LRGUK: variants seen among roughly 807,000 people sequenced by gnomAD.
The protein encoded by LRGUK is leucine rich repeats and guanylate kinase domain containing, also known as leucine-rich repeat and guanylate kinase domain-containing protein.
LRGUK carries 65 observed loss-of-function variants against 76.0 expected under a neutral mutation model. The observed-to-expected ratio is 0.85, with a 90% CI of 0.70 to 1.05. The LOEUF is 1.05. Among genes scored for constraint, LRGUK ranks in the 50% least tolerant of loss-of-function variants. The probability of loss-of-function intolerance (pLI) is 0.00; values close to 1 mark genes in which losing one functional copy is unlikely to be tolerated. For missense variants in LRGUK, 758 were observed against 732.8 expected (o/e 1.03, Z -0.40); for synonymous variants, 268 against 265.6 (o/e 1.01, Z -0.09).
At chr7:134,222,483 T>C (rs1801625098) in intron 16 of LRGUK, among the ~76,000 whole-genome samples, 1 of 152,264 alleles carries the variant, frequency 6.6e-6, no homozygotes, top group African/African-American at 2.4e-5. Context: ...TGTGATGATC[T>C]GGGAATACAA....
chr7:134,248,818 A>C, intron 17 of LRGUK, 133 bp from the exon 18 acceptor site: 1 of 591,282 alleles, frequency 1.7e-6, no homozygotes, highest in South Asian at 6.5e-5. Flanking sequence ...TTCTGAGTGG[A>C]TATATTACAT....
Position 134,137,078 on chromosome 7 carries a change from T to TG in LRGUK, c.357dup (p.Arg120AlafsTer7). 1 of 1,613,590 alleles carries TG rather than the reference T, an allele frequency of 6.2e-7. No individual in the cohort carries two copies. Among genetic ancestry groups the TG allele is most frequent in the African/African-American group, 1.3e-5 (1 of 75,054 alleles). On this transcript the variant is annotated frameshift_variant, in exon 2 of 16. Coordinates refer to ENST00000645682, the Ensembl canonical transcript of LRGUK. LOFTEE classifies it high-confidence loss of function. The stretch of plus-strand genomic sequence containing the variant: ...GCTGTGGCCAAAGCACTCCATCACT[T>TG]GGGGCGCTCAGGCTCTGGGACTGAG...
intron 15 of LRGUK, among the ~76,000 whole-genome samples, chr7:134,206,324 G>A (rs1801005618): frequency 6.6e-6 from 1 of 152,090 alleles, no homozygotes; most frequent in African/African-American, 2.4e-5. Flanking sequence ...AGACCATCCT[G>A]GCCAACATGG....
chr7:134,201,389 A>C (rs1221897991), intron 14 of LRGUK, 92 bp from the exon 15 acceptor site: 12 of 946,620 alleles, frequency 1.3e-5, no homozygotes, highest in Middle Eastern at 4.4e-4. Context: ...TATAAAATTA[A>C]ATGCAGTAAA....
chr7:134,231,408 T>C (rs1801886055), intron 16 of LRGUK, among the ~76,000 whole-genome samples: 1 of 152,018 alleles, frequency 6.6e-6, no homozygotes, highest in Non-Finnish European at 1.5e-5. Flanking sequence ...CAAAAGGACC[T>C]TCCTTTTTTT....
intron 4 of LRGUK, among the ~76,000 whole-genome samples, chr7:134,144,890 A>G (rs970598376): frequency 2.6e-5 from 4 of 152,124 alleles, no homozygotes; most frequent in Non-Finnish European, 5.9e-5. Flanking sequence ...TCAGGAATTG[A>G]ATTTGCAAAG....
At chr7:134,160,203 T>G (rs966749395) in intron 6 of LRGUK, among the ~76,000 whole-genome samples, 2 of 152,172 alleles carry the variant, frequency 1.3e-5, no homozygotes, top group African/African-American at 2.4e-5. Flanking sequence ...AACTCATTAT[T>G]AAGAATTATA....
intron 4 of LRGUK, among the ~76,000 whole-genome samples, chr7:134,147,103 A>T (rs780574261): frequency 2.0e-5 from 3 of 152,112 alleles, no homozygotes; most frequent in Non-Finnish European, 4.4e-5. Flanking sequence ...TTGAAGAGGC[A>T]TTGCCTGGAA....
chr7:134,151,238 A>T (rs907993346), intron 5 of LRGUK, among the ~76,000 whole-genome samples: 9 of 152,240 alleles, frequency 5.9e-5, no homozygotes, highest in African/African-American at 1.9e-4. Context: ...GTTTTTGAAA[A>T]TATTAAAACA....
intron 15 of LRGUK, among the ~76,000 whole-genome samples, chr7:134,216,008 C>G (rs1801427802): frequency 6.6e-6 from 1 of 152,142 alleles, no homozygotes; most frequent in African/African-American, 2.4e-5. Flanking sequence ...TTATTGCAAA[C>G]AACACTAAAA....
intron 16 of LRGUK, among the ~76,000 whole-genome samples, chr7:134,238,754 T>C (rs2117188200): frequency 6.6e-6 from 1 of 152,342 alleles, no homozygotes; most frequent in South Asian, 2.1e-4. Context: ...CCTTTTTCTC[T>C]CACAATAACT....
the LRGUK span, among the ~76,000 whole-genome samples, chr7:134,271,917 A>G: frequency 6.6e-6 from 1 of 152,128 alleles, no homozygotes; most frequent in Non-Finnish European, 1.5e-5. Context: ...ACAATGTATT[A>G]TAGATAATTT....
intron 2 of LRGUK, among the ~76,000 whole-genome samples, chr7:134,138,280 G>A (rs1273188839): frequency 1.3e-5 from 2 of 152,154 alleles, no homozygotes; most frequent in Admixed American, 6.5e-5. Flanking sequence ...TCAGCTGGAT[G>A]GACTGAAGCT....
intron 16 of LRGUK, among the ~76,000 whole-genome samples, chr7:134,246,882 C>G (rs1802315441): frequency 6.6e-6 from 1 of 152,138 alleles, no homozygotes; most frequent in Non-Finnish European, 1.5e-5. Context: ...AATCCAGTAC[C>G]TGGACAGTTG....
At chr7:134,162,679 T>C (rs962782226) in intron 6 of LRGUK, among the ~76,000 whole-genome samples, 1 of 151,822 alleles carries the variant, frequency 6.6e-6, no homozygotes, top group African/African-American at 2.4e-5. Flanking sequence ...ATACAAAAAT[T>C]AGCCAGGCAT....
Position 134,199,417 on chromosome 7 carries a change from T to C in LRGUK, c.1743T>C (p.Asn581=), listed in dbSNP as rs149660985. The change falls in exon 14 of 16, where the codon AAT becomes AAC. Residue 581 remains asparagine, a synonymous_variant. Coordinates refer to ENST00000645682, the Ensembl canonical transcript of LRGUK. ...CGGGATATTTTGATGAGGTAATCAA[T>C]GCAGGTTGGTAATTTTCAGCAAAGT... The C allele has an allele frequency of 7.7e-5, 124 of 1,609,886 alleles. No individual in the cohort carries two copies. In the East Asian group the frequency reaches 2.7e-3, roughly 35 times the overall value.
At chr7:134,185,645 A>G (rs1039081814) in intron 11 of LRGUK, among the ~76,000 whole-genome samples, 1 of 152,026 alleles carries the variant, frequency 6.6e-6, no homozygotes, top group Non-Finnish European at 1.5e-5. Context: ...AATTACTTTT[A>G]GATTAGTGGT....
At chr7:134,161,116 C>T (rs1051556652) in intron 6 of LRGUK, among the ~76,000 whole-genome samples, 18 of 152,108 alleles carry the variant, frequency 1.2e-4, no homozygotes, top group African/African-American at 4.1e-4. Flanking sequence ...ATCTACCACA[C>T]CTAAGGGACT....
At chr7:134,145,789 G>A (rs1466755661) in intron 4 of LRGUK, among the ~76,000 whole-genome samples, 2 of 152,196 alleles carry the variant, frequency 1.3e-5, no homozygotes, top group Admixed American at 6.5e-5. Context: ...ATATCTATGA[G>A]CCTTGTACCA....
Sources: gnomAD v4.1 joint callset for allele counts (sites outside exome capture counted in the v4.1 genomes callset) on GRCh38, gnomAD v4.1.1 for gene constraint, MANE v1.5 for transcripts, NCBI Gene and HGNC (gene_info 2026-07-23, HGNC 2026-07-21) for gene names.